The following AKAP6 variants were observed in gnomAD, a reference collection of about 807,000 sequenced individuals.
AKAP6 encodes the protein A-kinase anchoring protein 6, also known as A-kinase anchor protein 6.
In AKAP6, 58 loss-of-function variants were observed where a neutral mutation model predicts 188.5. The observed-to-expected ratio is 0.31, with a 90% CI of 0.25 to 0.38. AKAP6 has a LOEUF of 0.38. Ranked by LOEUF, AKAP6 falls within the 10% of genes least tolerant of loss-of-function variation. AKAP6 has a pLI of 1.00. For synonymous variants in AKAP6, 989 were observed against 998.6 expected (o/e 0.99, Z 0.18); for missense variants, 2,710 against 2,740.0 (o/e 0.99, Z 0.24).
chr14:32,807,972 C>CA (rs911666527), intron 12 of AKAP6, among the ~76,000 whole-genome samples: 1 of 152,210 alleles, frequency 6.6e-6, no homozygotes, highest in African/African-American at 2.4e-5. Context: ...TAGAAGCTCC[C>CA]AAAATAACCG....
chr14:32,688,814 C>G (rs567867747), intron 8 of AKAP6, among the ~76,000 whole-genome samples: 22 of 152,308 alleles, frequency 1.4e-4, no homozygotes, highest in Middle Eastern at 3.4e-3. Flanking sequence ...ATAGCACTCT[C>G]TGGGTAGGGT....
chr14:32,337,665 GCACC>G (rs1365709049), intron 1 of AKAP6, among the ~76,000 whole-genome samples: 1 of 151,748 alleles, frequency 6.6e-6, no homozygotes, highest in Non-Finnish European at 1.5e-5. Context: ...TTGATGTGCT[GCACC>G]CATTAACTCG....
chr14:32,708,266 C>T (rs1594868544), intron 9 of AKAP6, among the ~76,000 whole-genome samples: 2 of 151,914 alleles, frequency 1.3e-5, no homozygotes, highest in Admixed American at 6.6e-5. Flanking sequence ...AAATTAGATA[C>T]GACTTCAGAT....
intron 11 of AKAP6, among the ~76,000 whole-genome samples, chr14:32,771,975 A>C (rs2032911370): frequency 6.6e-6 from 1 of 152,124 alleles, no homozygotes; most frequent in African/African-American, 2.4e-5. Context: ...GGCAGGTATT[A>C]GGTGGCCTTC....
intron 1 of AKAP6, among the ~76,000 whole-genome samples, chr14:32,420,770 G>A (rs1889815364): frequency 1.3e-5 from 2 of 151,866 alleles, no homozygotes; most frequent in Admixed American, 1.3e-4. Flanking sequence ...CGCCCTTTTG[G>A]GATTTCCCTT....
intron 7 of AKAP6, among the ~76,000 whole-genome samples, chr14:32,656,819 G>T (rs1226929367): frequency 6.6e-6 from 1 of 152,118 alleles, no homozygotes; most frequent in Non-Finnish European, 1.5e-5. Context: ...AAGTTCGTGA[G>T]GGTTTGTCAC....
intron 2 of AKAP6, among the ~76,000 whole-genome samples, chr14:32,480,680 G>T (rs1879296484): frequency 6.7e-6 from 1 of 148,946 alleles, no homozygotes; most frequent in Admixed American, 6.6e-5. Context: ...GTCTCACTAT[G>T]GTAGGTGAGG....
chr14:32,503,209 C>T lies in AKAP6; in HGVS notation c.325-32345C>T, dbSNP rs371493725. Among the ~76,000 whole-genome samples, 19 of 152,042 alleles carry T rather than the reference C, an allele frequency of 1.2e-4. No homozygotes were observed. The East Asian group carries it at 3.1e-3, about 25-fold the overall frequency. On this transcript the variant is annotated intron_variant, in intron 2 of 13. Transcript: ENST00000280979. ...AGTGAGCATCTTTTCATATGTTTAA[C>T]GATCATTTGTGTTACTTGTTCTATG...
At chr14:32,517,353 A>G (rs1442604742) in intron 2 of AKAP6, among the ~76,000 whole-genome samples, 1 of 152,198 alleles carries the variant, frequency 6.6e-6, no homozygotes, top group Non-Finnish European at 1.5e-5. Flanking sequence ...TGCAGTCTAC[A>G]GCTCCCAGTG....
chr14:32,331,465 G>A (rs1476428073), intron 1 of AKAP6, among the ~76,000 whole-genome samples: 1 of 151,922 alleles, frequency 6.6e-6, no homozygotes, highest in Non-Finnish European at 1.5e-5. Context: ...TTTTCCCCCC[G>A]CAAATGTTCA....
chr14:32,598,095 A>C (rs1885779470), intron 5 of AKAP6, among the ~76,000 whole-genome samples: 1 of 152,194 alleles, frequency 6.6e-6, no homozygotes, highest in South Asian at 2.1e-4. Context: ...ATAGTTTCTA[A>C]GTGGATGAAT....
At chr14:32,638,753 T>G (rs1887627954) in intron 7 of AKAP6, among the ~76,000 whole-genome samples, 1 of 151,768 alleles carries the variant, frequency 6.6e-6, no homozygotes, top group Non-Finnish European at 1.5e-5. Context: ...GGGTAAAGGG[T>G]GGTATAGAAT....
intron 7 of AKAP6, among the ~76,000 whole-genome samples, chr14:32,622,275 A>G (rs962292318): frequency 6.6e-6 from 1 of 152,166 alleles, no homozygotes; most frequent in African/African-American, 2.4e-5. Flanking sequence ...ATAAACTATA[A>G]TAATATATCA....
chr14:32,412,951 A>G (rs955079278), intron 1 of AKAP6, among the ~76,000 whole-genome samples: 2 of 152,108 alleles, frequency 1.3e-5, no homozygotes, highest in Non-Finnish European at 2.9e-5. Context: ...GGGGATTTTC[A>G]CTGTAAACAA....
chr14:32,666,442 C>A (rs925903294), intron 7 of AKAP6, among the ~76,000 whole-genome samples: 1 of 152,026 alleles, frequency 6.6e-6, no homozygotes, highest in African/African-American at 2.4e-5. Flanking sequence ...GATATAGGAT[C>A]ATTTCCTGTT....
intron 2 of AKAP6, among the ~76,000 whole-genome samples, chr14:32,489,841 T>C (rs754608885): frequency 3.3e-5 from 5 of 152,234 alleles, no homozygotes; most frequent in African/African-American, 1.2e-4. Context: ...GTGTCTCACG[T>C]GTCCGTGTGA....
At chr14:32,663,254 A>T (rs968526754) in intron 7 of AKAP6, among the ~76,000 whole-genome samples, 8 of 152,074 alleles carry the variant, frequency 5.3e-5, no homozygotes, top group African/African-American at 1.9e-4. Flanking sequence ...CTCACCTTAT[A>T]CTTTCCCTGC....
intron 4 of AKAP6, among the ~76,000 whole-genome samples, chr14:32,564,320 T>C (rs1291001302): frequency 1.3e-5 from 2 of 152,196 alleles, no homozygotes; most frequent in Non-Finnish European, 2.9e-5. Flanking sequence ...ATATTTATAA[T>C]TATATGCTTA....
chr14:32,639,016 A>C (rs2139482970), intron 7 of AKAP6, among the ~76,000 whole-genome samples: 1 of 152,190 alleles, frequency 6.6e-6, no homozygotes, highest in South Asian at 2.1e-4. Context: ...CCTAAATTTC[A>C]AAATCTAGGT....
Sources: allele counts gnomAD v4.1 joint callset (sites outside exome capture counted in the v4.1 genomes callset), GRCh38; gene constraint gnomAD v4.1.1; transcripts MANE v1.5; gene names NCBI Gene and HGNC (gene_info 2026-07-23, HGNC 2026-07-21).